The following GMPS variants were observed in gnomAD, a reference collection of about 807,000 sequenced individuals.
The protein encoded by GMPS is GMP synthase [glutamine-hydrolyzing].
Under a neutral mutation model 77.9 loss-of-function variants are expected in GMPS, and 15 were observed. The observed-to-expected ratio is 0.19, with a 90% CI of 0.13 to 0.30. GMPS has a LOEUF of 0.30. GMPS is among the 10% of genes least tolerant of loss of function. The probability of loss-of-function intolerance (pLI) is 1.00; values close to 1 mark genes in which losing one functional copy is unlikely to be tolerated. For synonymous variants in GMPS, 224 were observed against 275.9 expected (o/e 0.81, Z 1.86); for missense variants, 590 against 838.8 (o/e 0.70, Z 3.66).
chr3:155,914,570 G>C lies in GMPS; in HGVS notation c.1038G>C (p.Lys346Asn). The part of the protein sequence containing the change: ...KRKIIGDTFV[K>N]IANEVIGEMN... The stretch of plus-strand genomic sequence containing the variant: ...AAATCATTGGGGATACTTTTGTTAA[G>C]GTACCTTTGTTTTTAATATCCTCAA... Residue 346 changes from lysine (K) to asparagine (N), a missense_variant and splice_region_variant, in exon 8 of 16, where the codon AAG becomes AAC. Around this residue, in one of 6 missense-constraint regions of GMPS, gnomAD observed 181 missense variants for 186.8 expected, o/e 0.97. Coordinates refer to ENST00000496455, the MANE Select transcript of GMPS (RefSeq NM_003875.3). 1.3e-6 allele frequency: 2 copies of C among 1,558,626 alleles called. No homozygotes were observed. Among genetic ancestry groups the C allele is most frequent in the Non-Finnish European group, 1.7e-6 (2 of 1,154,844 alleles).
rs1755723323 is a variant in GMPS, at chr3:155,934,919, T to G, written c.1680T>G (p.Val560=). The G allele has an allele frequency of 5.7e-6, 9 of 1,565,310 alleles. No individual in the cohort carries two copies. In the Admixed American group the frequency reaches 1.0e-4, roughly 18 times the overall value. The change falls in exon 14 of 16, where the codon GTT becomes GTG. Residue 560 remains valine, a synonymous_variant. Coordinates refer to ENST00000496455, the MANE Select transcript of GMPS (RefSeq NM_003875.3). ...ATTTTTACCTCTTTGTTTCCAGAGT[T>G]GTTTATATATTTGGCCCACCAGTTA... ...IPRMCHNVNR[V]VYIFGPPVKE...
chr3:155,888,605 T>G (rs1413037686), intron 1 of GMPS, among the ~76,000 whole-genome samples: 3 of 150,420 alleles, frequency 2.0e-5, no homozygotes, highest in African/African-American at 7.4e-5. Context: ...TTTTTTTTTT[T>G]GAGATGGAGT....
intron 4 of GMPS, among the ~76,000 whole-genome samples, chr3:155,904,415 G>C (rs1173652648): frequency 6.6e-6 from 1 of 151,260 alleles, no homozygotes; most frequent in Non-Finnish European, 1.5e-5. Flanking sequence ...TCAGCCTCCC[G>C]AGTAGCTGGG....
intron 3 of GMPS, among the ~76,000 whole-genome samples, chr3:155,899,236 C>T (rs556376226): frequency 5.9e-5 from 9 of 152,050 alleles, no homozygotes; most frequent in Non-Finnish European, 1.3e-4. Context: ...GGCGTGGTGG[C>T]GCATGACTGT....
chr3:155,939,337 A>C lies in GMPS; in HGVS notation c.*1645A>C, dbSNP rs1470630792. ...AATGCTTACCAACATGTGTCAGTAC[A>C]CGTTTATGTTTATATGAAAAAAAAT... On this transcript the variant is annotated 3_prime_UTR_variant, in exon 16 of 16. Coordinates refer to ENST00000496455, the MANE Select transcript of GMPS (RefSeq NM_003875.3). 4.7e-6 allele frequency: 1 copy of C among 212,142 alleles called. No homozygotes were observed. Among genetic ancestry groups the C allele is most frequent in the East Asian group, 7.1e-5 (1 of 14,172 alleles). The allele number at this position is 212,142 out of a possible 1,614,324, so 13.1% of individuals were successfully genotyped here.
intron 3 of GMPS, among the ~76,000 whole-genome samples, chr3:155,901,466 T>A (rs890175942): frequency 6.6e-6 from 1 of 152,152 alleles, no homozygotes; most frequent in African/African-American, 2.4e-5. Context: ...AATATTTTTT[T>A]ACTTGTTTTC....
intron 1 of GMPS, among the ~76,000 whole-genome samples, chr3:155,884,590 G>T (rs1754286807): frequency 6.6e-6 from 1 of 152,022 alleles, no homozygotes; most frequent in South Asian, 2.1e-4. Context: ...TGTTTTCAAA[G>T]GTTAAAAAAT....
intron 1 of GMPS, among the ~76,000 whole-genome samples, chr3:155,877,845 G>A (rs924867492): frequency 6.8e-6 from 1 of 146,582 alleles, no homozygotes; most frequent in African/African-American, 2.5e-5. Flanking sequence ...ACAGTGGCGC[G>A]ATCTCAGCTC....
At chr3:155,870,336 G>A (rs1197769892), upstream of GMPS, among the ~76,000 whole-genome samples, 2 of 151,804 alleles carry the variant, frequency 1.3e-5, no homozygotes, top group African/African-American at 4.8e-5. Flanking sequence ...AAACTAGCTC[G>A]GATTCGGCTT....
chr3:155,919,287 G>A lies in GMPS; in HGVS notation c.1267G>A (p.Gly423Ser). 1 of 1,598,262 alleles carries A rather than the reference G, an allele frequency of 6.3e-7. No homozygotes were observed. The highest frequency in any genetic ancestry group is 8.5e-7 in the Non-Finnish European group (1 of 1,170,666). The part of the protein sequence containing the change: ...DFHKDEVRIL[G>S]RELGLPEELV... ...TCATAAAGATGAAGTGAGAATTTTG[G>A]GCAGAGAACTTGGACTTCCAGAAGA... The change falls in exon 10 of 16, where the codon GGC becomes AGC. Residue 423 changes from glycine to serine, a missense_variant. Coordinates refer to ENST00000496455, the MANE Select transcript of GMPS (RefSeq NM_003875.3).
intron 10 of GMPS, among the ~76,000 whole-genome samples, chr3:155,921,533 A>C (rs1164864517): frequency 6.6e-6 from 1 of 152,080 alleles, no homozygotes; most frequent in Non-Finnish European, 1.5e-5. Context: ...GGATAGGCCA[A>C]GTGCAGTCAG....
At chr3:155,901,457 A>G (rs1285902943) in intron 3 of GMPS, among the ~76,000 whole-genome samples, 1 of 152,058 alleles carries the variant, frequency 6.6e-6, no homozygotes, top group Non-Finnish European at 1.5e-5. Flanking sequence ...ATTGCCATGA[A>G]TATTTTTTTA....
chr3:155,893,708 T>C lies in GMPS; in HGVS notation c.209+9T>C. The C allele has an allele frequency of 6.6e-7, 1 of 1,515,360 alleles. No homozygotes were observed. The highest frequency in any genetic ancestry group is 1.2e-5 in the South Asian group (1 of 84,792). The allele number at this position is 1,515,360 out of a possible 1,614,324, so 93.9% of individuals were successfully genotyped here. A position where few individuals can be genotyped will look rare whatever the true frequency, so the allele number is the denominator to read the frequency against. On this transcript the variant is annotated intron_variant, in intron 2 of 15. Transcript: ENST00000496455. ...AAGGAACAAGGATTCCGGTAGACTT[T>C]TCACTAATCTTTTCATGAGGAGATT...
At chr3:155,934,629 A>T (rs189395510) in intron 13 of GMPS, among the ~76,000 whole-genome samples, 1 of 152,348 alleles carries the variant, frequency 6.6e-6, no homozygotes, top group East Asian at 1.9e-4. Flanking sequence ...GACCCAGTAC[A>T]TTAAGTGAAA....
intron 5 of GMPS, 123 bp from the exon 6 acceptor site, chr3:155,910,568 CA>C (rs772197752): frequency 0.17 from 44,790 of 264,524 alleles, 1 homozygote; most frequent in Middle Eastern, 0.21. Flanking sequence ...GACTCTGTCT[CA>C]AAAAAAAAAA....
In GMPS at chr3:155,938,400, T is replaced by G. The variant is rs1191990023; in HGVS notation, c.*708T>G. ...AGATGCCATGTTATTCAATGTCAGCTTGTTTATTAGTAAGGAGCTTTATCC... is the reference window on the plus strand; with the variant it reads ...AGATGCCATGTTATTCAATGTCAGCGTGTTTATTAGTAAGGAGCTTTATCC... On this transcript the variant is annotated 3_prime_UTR_variant, in exon 16 of 16. Coordinates refer to ENST00000496455, the MANE Select transcript of GMPS (RefSeq NM_003875.3). 1 of 214,780 alleles carries G rather than the reference T, an allele frequency of 4.7e-6. No homozygotes were observed. The allele number at this position is 214,780 out of a possible 1,614,324, so 13.3% of individuals were successfully genotyped here.
chr3:155,894,648 C>T (rs938282845), intron 2 of GMPS, among the ~76,000 whole-genome samples: 1 of 151,998 alleles, frequency 6.6e-6, no homozygotes, highest in Admixed American at 6.5e-5. Context: ...ATTAGATGTA[C>T]TATGCTTCTC....
intron 1 of GMPS, 73 bp downstream of exon 1, chr3:155,870,970 A>T: frequency 7.5e-7 from 1 of 1,337,844 alleles, no homozygotes; most frequent in Non-Finnish European, 9.7e-7. Context: ...CCACCCCGCG[A>T]GGCCCTTCCC....
intron 9 of GMPS, among the ~76,000 whole-genome samples, chr3:155,918,612 T>C (rs1755243068): frequency 6.6e-6 from 1 of 152,214 alleles, no homozygotes; most frequent in Admixed American, 6.5e-5. Flanking sequence ...TCGTATCCTT[T>C]GCTCCTTTTT....
Sources: allele counts gnomAD v4.1 joint callset (sites outside exome capture counted in the v4.1 genomes callset), GRCh38; gene constraint gnomAD v4.1.1; regional missense constraint gnomAD v4.1.1; transcripts MANE v1.5; gene names NCBI Gene and HGNC (gene_info 2026-07-23, HGNC 2026-07-21).